The following TCF20 variants were observed in gnomAD, a reference collection of about 807,000 sequenced individuals.
TCF20 encodes the protein SPRE-binding protein.
Under a neutral mutation model 148.6 loss-of-function variants are expected in TCF20, and 3 were observed. That is an observed-to-expected ratio of 0.02 (90% confidence interval 0.01 to 0.05). TCF20 has a LOEUF of 0.05. Ranked by LOEUF, TCF20 falls within the 10% of genes least tolerant of loss-of-function variation. The pLI is 1.00. For missense variants in TCF20, 2,350 were observed against 2,429.3 expected, an observed-to-expected ratio of 0.97 and a Z score of 0.69; for synonymous variants, 1,049 against 909.5, an observed-to-expected ratio of 1.15 and a Z score of -2.76.
chr22:42,244,462 G>T (rs1924737000), intron 1 of TCF20, among the ~76,000 whole-genome samples: 1 of 152,142 alleles, frequency 6.6e-6, no homozygotes. Flanking sequence ...CCATGAAAAG[G>T]AATGAAGTAC....
intron 1 of TCF20, among the ~76,000 whole-genome samples, chr22:42,260,644 C>T (rs1370149628): frequency 6.6e-6 from 1 of 152,100 alleles, no homozygotes; most frequent in Non-Finnish European, 1.5e-5. Flanking sequence ...ATCACCATGC[C>T]TGGTTAATTT....
intron 1 of TCF20, among the ~76,000 whole-genome samples, chr22:42,261,308 T>G (rs1926017215): frequency 6.6e-6 from 1 of 152,234 alleles, no homozygotes; most frequent in Non-Finnish European, 1.5e-5. Context: ...GTAAGTCTTA[T>G]TTGTGGACAT....
At chr22:42,304,220 A>G (rs903357839) in intron 1 of TCF20, among the ~76,000 whole-genome samples, 1 of 151,738 alleles carries the variant, frequency 6.6e-6, no homozygotes, top group African/African-American at 2.4e-5. Flanking sequence ...AGCCAGAAGC[A>G]CCCCCGCCCC....
At chr22:42,251,096 T>C (rs1467924699) in intron 1 of TCF20, among the ~76,000 whole-genome samples, 2 of 152,158 alleles carry the variant, frequency 1.3e-5, no homozygotes, top group Non-Finnish European at 2.9e-5. Flanking sequence ...AACATGAGAT[T>C]TGGGCAGGGA....
intron 3 of TCF20, among the ~76,000 whole-genome samples, chr22:42,177,096 A>C (rs939606872): frequency 1.3e-5 from 2 of 152,120 alleles, no homozygotes; most frequent in African/African-American, 4.8e-5. Flanking sequence ...TGAGCACCCC[A>C]TATCTACAAT....
intron 1 of TCF20, among the ~76,000 whole-genome samples, chr22:42,324,413 C>T (rs1189762614): frequency 6.6e-6 from 1 of 151,938 alleles, no homozygotes; most frequent in South Asian, 2.1e-4. Context: ...AAGAAAATAA[C>T]CTCCACCATT....
chr22:42,289,646 G>A (rs1026441773), intron 1 of TCF20, among the ~76,000 whole-genome samples: 1 of 152,176 alleles, frequency 6.6e-6, no homozygotes, highest in African/African-American at 2.4e-5. Flanking sequence ...GAACTTAGGC[G>A]GCTAAAGGGA....
At chr22:42,173,018 T>C (rs714002) in intron 3 of TCF20, among the ~76,000 whole-genome samples, 49,622 of 151,884 alleles carry the variant, frequency 0.33, 10,860 homozygotes, top group African/African-American at 0.62. Flanking sequence ...AGGGCTCTGA[T>C]GGCACCAGCA....
intron 1 of TCF20, among the ~76,000 whole-genome samples, chr22:42,236,701 T>G (rs905841409): frequency 2.6e-5 from 4 of 152,074 alleles, no homozygotes; most frequent in Non-Finnish European, 5.9e-5. Context: ...GACACAAACA[T>G]TCTATGAAAA....
chr22:42,341,742 C>T lies in TCF20; in HGVS notation c.-37+1737G>A, dbSNP rs1928172271. On this transcript the variant is annotated intron_variant, in intron 1 of 1. Coordinates refer to the TCF20 transcript ENST00000515426. The stretch of plus-strand genomic sequence containing the variant: ...GCTGGACCCTGGGGACACACCAACC[C>T]GGGCCCCAGCTCTCCCAGTCTGGAT... 2.4e-5 allele frequency among the ~76,000 whole-genome samples: 3 copies of T among 126,112 alleles called. No homozygotes were observed. In the Admixed American group the frequency reaches 3.2e-4, roughly 13 times the overall value. 82.7% of individuals were successfully genotyped at this position (126,112 alleles called of 152,430 possible).
In TCF20 at chr22:42,211,373, G is replaced by A. The variant is rs757608481; in HGVS notation, c.3933C>T (p.Ile1311=). The A allele has an allele frequency of 6.2e-7, 1 of 1,614,176 alleles. No homozygotes were observed. Among genetic ancestry groups the A allele is most frequent in the South Asian group, 1.1e-5 (1 of 91,078 alleles). ...GGTCCTTGGAGGAATCTCTCTTAGGGATAGACTTGATATCCTGACTGTGAG... is the reference window on the plus strand; with the variant it reads ...GGTCCTTGGAGGAATCTCTCTTAGGAATAGACTTGATATCCTGACTGTGAG... ...HLSHSQDIKS[I]PKRDSSKDLP... Residue 1311 remains isoleucine, a synonymous_variant, in exon 2 of 6, where the codon ATC becomes ATT. Coordinates refer to ENST00000677622, the MANE Select transcript of TCF20 (RefSeq NM_001378418.1).
chr22:42,269,411 A>G (rs1926468035), intron 1 of TCF20, among the ~76,000 whole-genome samples: 1 of 152,120 alleles, frequency 6.6e-6, no homozygotes. Context: ...GCAACCACAA[A>G]AACAGACAAT....
intron 1 of TCF20, among the ~76,000 whole-genome samples, chr22:42,309,696 A>G (rs1927498738): frequency 6.6e-6 from 1 of 152,074 alleles, no homozygotes; most frequent in Non-Finnish European, 1.5e-5. Flanking sequence ...TCTTCCTTCC[A>G]GTCTCAGCTC....
intron 1 of TCF20, among the ~76,000 whole-genome samples, chr22:42,303,278 C>T (rs539864100): frequency 4.3e-4 from 65 of 152,240 alleles, no homozygotes; most frequent in Non-Finnish European, 9.1e-4. Context: ...TGCCATGCAT[C>T]ATCTTATTTA....
chr22:42,256,070 C>T (rs1393790922), intron 1 of TCF20, among the ~76,000 whole-genome samples: 1 of 152,140 alleles, frequency 6.6e-6, no homozygotes, highest in African/African-American at 2.4e-5. Context: ...TCTCTCTCGT[C>T]CATCCTTCAA....
intron 2 of TCF20, among the ~76,000 whole-genome samples, chr22:42,184,046 G>T (rs944292923): frequency 1.3e-5 from 2 of 152,104 alleles, no homozygotes; most frequent in African/African-American, 4.8e-5. Context: ...TGGGATTACA[G>T]GCATCAGCCA....
At chr22:42,276,484 C>T (rs1327102275) in intron 1 of TCF20, 1 of 152,198 alleles carries the variant, frequency 6.6e-6, no homozygotes, top group African/African-American at 2.4e-5. Context: ...CCCACGGAGG[C>T]GTGGAGTCTT....
intron 2 of TCF20, among the ~76,000 whole-genome samples, chr22:42,180,585 G>A (rs1936721408): frequency 6.6e-6 from 1 of 152,202 alleles, no homozygotes; most frequent in Admixed American, 6.5e-5. Flanking sequence ...GGAAGAGACA[G>A]AAACTTGTTC....
rs531457774 is a variant in TCF20 at position 42,178,384 on chromosome 22, G to A, written c.5749+1225C>T. 7.9e-5 allele frequency among the ~76,000 whole-genome samples: 12 copies of A among 152,128 alleles called. No individual in the cohort carries two copies. The South Asian group carries it at 1.0e-3, about 13-fold the overall frequency. ...GAGATTGGTATATGAAGTGGGGAGC[G>A]GTCTTGTGGGACTGAGCCCTTAACC... On this transcript the variant is annotated intron_variant, in intron 3 of 5. Transcript: ENST00000677622.
Sources: allele counts gnomAD v4.1 joint callset (sites outside exome capture counted in the v4.1 genomes callset), GRCh38; gene constraint gnomAD v4.1.1; transcripts MANE v1.5; gene names NCBI Gene and HGNC (gene_info 2026-07-23, HGNC 2026-07-21).